Variants in PCDHA3 observed in about 807,000 individuals in gnomAD.
The protein encoded by PCDHA3 is protocadherin alpha-3.
A neutral mutation model predicts 62.2 loss-of-function variants in PCDHA3; 41 were observed. The observed-to-expected ratio is 0.66, with a 90% CI of 0.51 to 0.86. The LOEUF (loss-of-function observed/expected upper bound fraction) is 0.86, where lower values mean the gene tolerates loss of function less well. PCDHA3 is among the 40% of genes least tolerant of loss of function. The pLI, the probability that PCDHA3 is intolerant of heterozygous loss-of-function variation, is 0.00. For synonymous variants in PCDHA3, 640 were observed against 555.4 expected (o/e 1.15, Z -2.14); for missense variants, 1,304 against 1,241.2 (o/e 1.05, Z -0.76).
At chr5:140,838,075 ATAGTGTGTGTGTGT>A (rs1322257119) in intron 1 of PCDHA3, among the ~76,000 whole-genome samples, 7,901 of 128,220 alleles carry the variant, frequency 0.062, 356 homozygotes, top group Middle Eastern at 0.073. Flanking sequence ...TTATATATAT[ATAGTGTGTGTGTGT>A]GTGTGTGTGT....
At chr5:140,828,787 G>C in intron 1 of PCDHA3, 3 of 1,614,216 alleles carry the variant, frequency 1.9e-6, no homozygotes, top group African/African-American at 1.3e-5. Flanking sequence ...TGGTCACAGT[G>C]CTGGATGTGA....
At chr5:140,924,480 T>C (rs2081865040) in intron 1 of PCDHA3, among the ~76,000 whole-genome samples, 1 of 152,178 alleles carries the variant, frequency 6.6e-6, no homozygotes, top group Non-Finnish European at 1.5e-5. Flanking sequence ...TGGTTTTTAG[T>C]GGAACACTGG....
chr5:140,829,641 T>TGGAGCG, intron 1 of PCDHA3: 1 of 1,612,096 alleles, frequency 6.2e-7, no homozygotes, highest in Non-Finnish European at 8.5e-7. Context: ...AGCGGCAAGG[T>TGGAGCG]GTACGCGCTG....
intron 1 of PCDHA3, chr5:140,847,434 A>T (rs1554141788): frequency 1.3e-5 from 2 of 149,796 alleles, no homozygotes; most frequent in East Asian, 3.9e-4. Flanking sequence ...TAGACTTGAG[A>T]TACACTAAAA....
At chr5:140,997,481 A>G (rs1563624223) in intron 3 of PCDHA3, among the ~76,000 whole-genome samples, 1 of 152,224 alleles carries the variant, frequency 6.6e-6, no homozygotes, top group Non-Finnish European at 1.5e-5. Flanking sequence ...ACACAATGAT[A>G]AGTATTTGTG....
intron 3 of PCDHA3, 128 bp downstream of exon 3, chr5:140,982,691 C>T: frequency 7.1e-7 from 1 of 1,408,152 alleles, no homozygotes; most frequent in Non-Finnish European, 9.3e-7. Context: ...TTTTTCCATA[C>T]ATACATGATT....
chr5:140,835,554 C>T (rs2150238113), intron 1 of PCDHA3: 7 of 1,613,942 alleles, frequency 4.3e-6, no homozygotes, highest in Non-Finnish European at 5.9e-6. Context: ...CTCCCTGACG[C>T]CCCGCGTTCC....
rs113124123 is a variant in PCDHA3 at position 140,823,491 on chromosome 5, C to G, written c.2394+19900C>G. On this transcript the variant is annotated intron_variant, in intron 1 of 3. Coordinates refer to ENST00000522353, the MANE Select transcript of PCDHA3 (RefSeq NM_018906.3). ...TGCTGGTGCCTCGAGTGGGTGGCAC[C>G]GGCGGCGCAGTGAGCGAGCTGGTGC... is the stretch of plus-strand genomic sequence containing the variant. 2.2e-3 allele frequency: 3,506 copies of G among 1,613,202 alleles called. 74 individuals carry two copies. The African/African-American group carries it at 0.041, about 19-fold the overall frequency.
intron 1 of PCDHA3, chr5:140,816,076 T>A (rs1554126966): frequency 6.6e-6 from 1 of 152,204 alleles, no homozygotes; most frequent in East Asian, 1.9e-4. Context: ...GATGTAATTT[T>A]AAAAAATAAG....
intron 1 of PCDHA3, chr5:140,829,661 G>T: frequency 1.2e-6 from 2 of 1,612,716 alleles, no homozygotes; most frequent in Non-Finnish European, 1.7e-6. Flanking sequence ...GCAGCCGCTG[G>T]ACCACGAGGA....
Position 140,998,902 on chromosome 5 carries a change from C to T in PCDHA3, c.2543-10725C>T, listed in dbSNP as rs148715237. On this transcript the variant is annotated intron_variant, in intron 3 of 3. Coordinates refer to ENST00000522353, the MANE Select transcript of PCDHA3 (RefSeq NM_018906.3). ...TTAGTTGAATAAATAACAATGCCTC[C>T]GGGAGGTAGCTATTATATCCATTTT... Among the ~76,000 whole-genome samples the T allele has an allele frequency of 4.2e-3, 632 of 152,216 alleles. 5 individuals are homozygous for T. Among genetic ancestry groups the T allele is most frequent in the African/African-American group, 0.014 (572 of 41,540 alleles).
intron 1 of PCDHA3, among the ~76,000 whole-genome samples, chr5:140,950,299 C>T (rs246045): frequency 0.56 from 85,681 of 151,798 alleles, 24,780 homozygotes; most frequent in African/African-American, 0.69. Context: ...AAAAACTTTA[C>T]TTAGCAGTTT....
At chr5:140,982,296 C>A in intron 2 of PCDHA3, 179 bp from the exon 3 acceptor site, 1 of 1,167,132 alleles carries the variant, frequency 8.6e-7, no homozygotes, top group Non-Finnish European at 1.2e-6. Flanking sequence ...AGTAAGTCAG[C>A]AATGCTTCTG....
At chr5:140,836,494 T>A in intron 1 of PCDHA3, 4 of 1,613,852 alleles carry the variant, frequency 2.5e-6, no homozygotes, top group Non-Finnish European at 3.4e-6. Context: ...ATCATCGCCA[T>A]CTGCGCGGTG....
At chr5:140,963,871 T>A (rs2095795562) in intron 1 of PCDHA3, among the ~76,000 whole-genome samples, 1 of 152,238 alleles carries the variant, frequency 6.6e-6, no homozygotes, top group Non-Finnish European at 1.5e-5. Context: ...GAGTTTTGCT[T>A]ACTATTGTTT....
At chr5:140,926,204 G>C (rs888951769) in intron 1 of PCDHA3, among the ~76,000 whole-genome samples, 1 of 151,802 alleles carries the variant, frequency 6.6e-6, no homozygotes, top group South Asian at 2.2e-4. Context: ...CTTTCGGGGG[G>C]CTCCTGTTTC....
At chr5:140,911,153 C>T (rs921838811) in intron 1 of PCDHA3, among the ~76,000 whole-genome samples, 2 of 152,048 alleles carry the variant, frequency 1.3e-5, no homozygotes, top group Non-Finnish European at 2.9e-5. Flanking sequence ...TCTCCTCAGA[C>T]AAATGTGGAA....
chr5:141,001,850 T>G (rs2098040443), intron 3 of PCDHA3, among the ~76,000 whole-genome samples: 1 of 152,164 alleles, frequency 6.6e-6, no homozygotes, highest in Admixed American at 6.5e-5. Context: ...AGAGAGAGGT[T>G]GATTAAATTG....
intron 1 of PCDHA3, chr5:140,843,294 C>G (rs2150356676): frequency 6.3e-7 from 1 of 1,595,870 alleles, no homozygotes; most frequent in Non-Finnish European, 8.6e-7. Flanking sequence ...GGTGAACCTG[C>G]GCTGACCGCC....
Sources: allele counts gnomAD v4.1 joint callset (sites outside exome capture counted in the v4.1 genomes callset), GRCh38; gene constraint gnomAD v4.1.1; transcripts MANE v1.5; gene names NCBI Gene and HGNC (gene_info 2026-07-23, HGNC 2026-07-21).